AHCY: variants seen among roughly 807,000 people sequenced by gnomAD.
AHCY encodes adenosylhomocysteinase, also known as S-adenosyl-L-homocysteine hydrolase.
Under a neutral mutation model 45.4 loss-of-function variants are expected in AHCY, and 24 were observed. The ratio of observed to expected loss-of-function variants is 0.53; its 90% CI spans 0.38 to 0.74. The LOEUF (loss-of-function observed/expected upper bound fraction) is 0.74. AHCY is among the 30% of genes least tolerant of loss of function. AHCY has a pLI of 0.00. For synonymous variants in AHCY, 245 were observed against 235.1 expected, an observed-to-expected ratio of 1.04 and a Z score of -0.39; for missense variants, 449 against 594.1, an observed-to-expected ratio of 0.76 and a Z score of 2.54.
chr20:34,240,142 A>G, the AHCY span, among the ~76,000 whole-genome samples: 2 of 152,204 alleles, frequency 1.3e-5, no homozygotes, highest in African/African-American at 4.8e-5. Flanking sequence ...AATCATTTGG[A>G]AAGAAGGGAA....
At chr20:34,284,615 G>C (rs1457115060) in intron 9 of AHCY, among the ~76,000 whole-genome samples, 1 of 152,082 alleles carries the variant, frequency 6.6e-6, no homozygotes, top group African/African-American at 2.4e-5. Context: ...GAAATCAGGA[G>C]TTCGAGACCA....
chr20:34,259,048 A>T, the AHCY span, among the ~76,000 whole-genome samples: 38 of 149,076 alleles, frequency 2.5e-4, no homozygotes, highest in African/African-American at 2.5e-4. Flanking sequence ...ACAAAAAAAA[A>T]TTTTTTTTTA....
intron 9 of AHCY, among the ~76,000 whole-genome samples, chr20:34,281,451 T>C (rs911975602): frequency 7.2e-5 from 11 of 152,210 alleles, no homozygotes; most frequent in African/African-American, 2.7e-4. Flanking sequence ...ACCAAAATGC[T>C]TCTCTGGAAT....
At chr20:34,292,808 T>G (rs2036443622) in intron 3 of AHCY, among the ~76,000 whole-genome samples, 1 of 152,194 alleles carries the variant, frequency 6.6e-6, no homozygotes, top group Non-Finnish European at 1.5e-5. Flanking sequence ...ACAGAAGCCA[T>G]GTACAGCCCC....
chr20:34,308,908 C>G (rs2036920922), intron 1 of AHCY, among the ~76,000 whole-genome samples: 1 of 151,732 alleles, frequency 6.6e-6, no homozygotes, highest in South Asian at 2.1e-4. Flanking sequence ...CCTGCCTCGG[C>G]CTCCCAAAGT....
At chr20:34,259,841 T>A in the AHCY span, among the ~76,000 whole-genome samples, 1 of 152,170 alleles carries the variant, frequency 6.6e-6, no homozygotes, top group Non-Finnish European at 1.5e-5. Context: ...AAACTATACC[T>A]GCATTCGTTC....
the AHCY span, chr20:34,246,676 T>A: frequency 1.7e-5 from 8 of 480,038 alleles, no homozygotes; most frequent in Non-Finnish European, 2.7e-5. Flanking sequence ...CAGGCTGGTC[T>A]TGAACTCCTG....
the AHCY span, among the ~76,000 whole-genome samples, chr20:34,274,694 T>C: frequency 6.6e-6 from 1 of 151,992 alleles, no homozygotes; most frequent in Admixed American, 6.6e-5. Flanking sequence ...CTCCTGTAAT[T>C]CCAGCACTTT....
the AHCY span, among the ~76,000 whole-genome samples, chr20:34,244,056 C>A: frequency 6.6e-6 from 1 of 152,166 alleles, no homozygotes; most frequent in Non-Finnish European, 1.5e-5. Context: ...CAGAGTGAGA[C>A]TCCATCTCAA....
the AHCY span, among the ~76,000 whole-genome samples, chr20:34,233,511 G>A: frequency 6.6e-6 from 1 of 152,150 alleles, no homozygotes; most frequent in Admixed American, 6.5e-5. Flanking sequence ...ACTACATACT[G>A]TAGGATGGTT....
At chr20:34,269,719 C>T in the AHCY span, among the ~76,000 whole-genome samples, 1 of 151,690 alleles carries the variant, frequency 6.6e-6, no homozygotes, top group Non-Finnish European at 1.5e-5. Flanking sequence ...CCGAGGCGGG[C>T]GGATCTCCTG....
intron 9 of AHCY, 31 bp downstream of exon 9, chr20:34,285,409 C>T (rs1217151743): frequency 2.5e-6 from 4 of 1,612,558 alleles, no homozygotes; most frequent in South Asian, 1.1e-5. Flanking sequence ...AGACACGTGA[C>T]CCTTGGCTTG....
At chr20:34,301,115 TGACCCAGAGAG>T (rs1291203383) in intron 1 of AHCY, among the ~76,000 whole-genome samples, 2 of 152,154 alleles carry the variant, frequency 1.3e-5, no homozygotes, top group African/African-American at 2.4e-5. Context: ...CATTTACTAA[TGACCCAGAGAG>T]GACCCAGAGA....
the AHCY span, among the ~76,000 whole-genome samples, chr20:34,262,579 A>G: frequency 4.6e-5 from 7 of 152,218 alleles, no homozygotes; most frequent in Non-Finnish European, 5.9e-5. Context: ...TGTCACAGGC[A>G]GATCCCAGTG....
chr20:34,282,736 C>T (rs2036043650), intron 9 of AHCY, among the ~76,000 whole-genome samples: 1 of 152,146 alleles, frequency 6.6e-6, no homozygotes, highest in Non-Finnish European at 1.5e-5. Context: ...AGCATCCCAG[C>T]TTATGGCCTC....
chr20:34,290,674 G>A lies in AHCY; in HGVS notation c.767-36C>T. 6.2e-7 allele frequency: 1 copy of A among 1,613,904 alleles called. No homozygotes were observed. Among genetic ancestry groups the A allele is most frequent in the South Asian group, 1.1e-5 (1 of 91,054 alleles). On this transcript the variant is annotated intron_variant, in intron 6 of 9. Coordinates refer to ENST00000217426, the MANE Select transcript of AHCY (RefSeq NM_000687.4). The surrounding 1 kb of genome is among the most constrained non-coding windows in gnomAD (Gnocchi z 4.5). ...ACAGTGGCTGTGGGTCATCTACGGTGGCCTTGCCCCTCCCTCTGGCCCCAG... is the reference window on the plus strand; with the variant it reads ...ACAGTGGCTGTGGGTCATCTACGGTAGCCTTGCCCCTCCCTCTGGCCCCAG...
the AHCY span, among the ~76,000 whole-genome samples, chr20:34,251,839 GCTGT>G: frequency 6.6e-6 from 1 of 152,080 alleles, no homozygotes; most frequent in Non-Finnish European, 1.5e-5. Flanking sequence ...AGAGATGATG[GCTGT>G]CTATGAAGAA....
intron 1 of AHCY, among the ~76,000 whole-genome samples, chr20:34,298,704 C>G (rs1298039912): frequency 6.6e-6 from 1 of 151,934 alleles, no homozygotes; most frequent in African/African-American, 2.4e-5. Flanking sequence ...GGCTCGCCCA[C>G]AGTTATCCAG....
chr20:34,245,011 T>A, the AHCY span, among the ~76,000 whole-genome samples: 4 of 152,050 alleles, frequency 2.6e-5, no homozygotes, highest in South Asian at 8.3e-4. Context: ...ACATAAAAAG[T>A]CTACCGGGTT....
Sources: allele counts gnomAD v4.1 joint callset (sites outside exome capture counted in the v4.1 genomes callset), GRCh38; gene constraint gnomAD v4.1.1; non-coding constraint Gnocchi (gnomAD v3.1); transcripts MANE v1.5; gene names NCBI Gene and HGNC (gene_info 2026-07-23, HGNC 2026-07-21).